Variants in FAM135B observed in about 807,000 individuals in gnomAD.
FAM135B encodes protein FAM135B.
Under a neutral mutation model 127.7 loss-of-function variants are expected in FAM135B, and 43 were observed. The observed-to-expected ratio is 0.34, with a 90% confidence interval of 0.26 to 0.43. The LOEUF is 0.43. Among genes scored for constraint, FAM135B ranks in the 20% least tolerant of loss-of-function variants. The pLI is 1.00. For synonymous variants in FAM135B, 670 were observed against 665.1 expected (o/e 1.01, Z -0.11); for missense variants, 1,558 against 1,725.6 (o/e 0.90, Z 1.72).
chr8:138,356,193 G>T (rs1010452109), intron 2 of FAM135B, among the ~76,000 whole-genome samples: 19 of 152,006 alleles, frequency 1.2e-4, no homozygotes, highest in African/African-American at 4.6e-4. Flanking sequence ...CCAGTTTCAG[G>T]CATTTTGTTA....
At position 138,164,670 on chromosome 8, in the gene FAM135B, C is replaced by T. The variant is rs185282393; in HGVS notation, c.1258+3225G>A. ...ATCCATTACCTGAAAGCCCCCTCCC[C>T]GCTTAGAATTGTCCCGTCTTTCCAC... is the stretch of plus-strand genomic sequence containing the variant. On this transcript the variant is annotated intron_variant, in intron 12 of 19. Coordinates refer to ENST00000395297, the MANE Select transcript of FAM135B (RefSeq NM_015912.4). 1.3e-4 allele frequency among the ~76,000 whole-genome samples: 20 copies of T among 152,312 alleles called. No individual in the cohort carries two copies. The East Asian group carries it at 3.5e-3, about 26-fold the overall frequency.
chr8:138,388,185 C>G (rs1832329706), intron 1 of FAM135B, among the ~76,000 whole-genome samples: 1 of 152,026 alleles, frequency 6.6e-6, no homozygotes, highest in South Asian at 2.1e-4. Context: ...CAAAAGAAAA[C>G]AACAATGAGA....
chr8:138,285,761 G>T (rs1824635741), intron 3 of FAM135B, among the ~76,000 whole-genome samples: 1 of 152,152 alleles, frequency 6.6e-6, no homozygotes. Context: ...TAACAATATT[G>T]ACCTGAATTG....
At chr8:138,486,315 T>C (rs1814982942) in intron 1 of FAM135B, among the ~76,000 whole-genome samples, 1 of 152,056 alleles carries the variant, frequency 6.6e-6, no homozygotes, top group African/African-American at 2.4e-5. Flanking sequence ...CAGAGGGTAG[T>C]AGGGCTGAAT....
chr8:138,322,445 C>T lies in FAM135B; in HGVS notation c.78-11525G>A, dbSNP rs79634751. On this transcript the variant is annotated intron_variant, in intron 2 of 19. Coordinates refer to ENST00000395297, the MANE Select transcript of FAM135B (RefSeq NM_015912.4). ...AAAAGTAACTCCAGATTGCTTGATA[C>T]TGTAGGTTTTTCCAGTGAGTTCTGA... 6.1e-3 allele frequency among the ~76,000 whole-genome samples: 927 copies of T among 152,262 alleles called. 6 individuals are homozygous for T. The highest frequency in any genetic ancestry group is 0.021 in the African/African-American group (890 of 41,546).
intron 1 of FAM135B, among the ~76,000 whole-genome samples, chr8:138,376,610 T>C (rs887309086): frequency 2.6e-5 from 4 of 152,214 alleles, no homozygotes; most frequent in African/African-American, 9.6e-5. Flanking sequence ...CTCCCTCCCA[T>C]GCCAAAACTG....
chr8:138,486,480 T>C (rs544939951), intron 1 of FAM135B, among the ~76,000 whole-genome samples: 22 of 152,278 alleles, frequency 1.4e-4, no homozygotes, highest in Admixed American at 2.6e-4. Flanking sequence ...CAGTTGATTT[T>C]TTGGCTGCTA....
At chr8:138,354,009 C>T (rs1829935440) in intron 2 of FAM135B, among the ~76,000 whole-genome samples, 1 of 151,932 alleles carries the variant, frequency 6.6e-6, no homozygotes, top group African/African-American at 2.4e-5. Context: ...GCAACTTTTC[C>T]CTTCCCCTCA....
At chr8:138,491,485 A>T (rs1007555650) in intron 1 of FAM135B, among the ~76,000 whole-genome samples, 19 of 152,332 alleles carry the variant, frequency 1.2e-4, no homozygotes, top group Admixed American at 1.2e-3. Flanking sequence ...TAGTCACTTA[A>T]TTCTAACCCA....
At chr8:138,383,861 G>T (rs116386758) in intron 1 of FAM135B, among the ~76,000 whole-genome samples, 1,925 of 152,204 alleles carry the variant, frequency 0.013, 34 homozygotes, top group African/African-American at 0.044. Context: ...AGGAGACCAC[G>T]CCCATCCTCT....
intron 8 of FAM135B, among the ~76,000 whole-genome samples, chr8:138,197,245 G>C (rs1563757634): frequency 6.6e-6 from 1 of 152,126 alleles, no homozygotes; most frequent in African/African-American, 2.4e-5. Context: ...TTATGCAGTG[G>C]AGTGGCAGGT....
At chr8:138,400,604 G>T (rs1424365143) in intron 1 of FAM135B, among the ~76,000 whole-genome samples, 1 of 152,142 alleles carries the variant, frequency 6.6e-6, no homozygotes, top group East Asian at 1.9e-4. Context: ...AGTGTGGAAG[G>T]AGCTGCCTGA....
chr8:138,155,553 C>T (rs1177733482), intron 12 of FAM135B, among the ~76,000 whole-genome samples: 3 of 152,094 alleles, frequency 2.0e-5, no homozygotes, highest in African/African-American at 4.8e-5. Context: ...GGAGACCCAT[C>T]TCATGTGCAG....
intron 1 of FAM135B, among the ~76,000 whole-genome samples, chr8:138,452,866 C>T (rs979472968): frequency 6.6e-6 from 1 of 152,036 alleles, no homozygotes; most frequent in African/African-American, 2.4e-5. Context: ...CACCCGTCCA[C>T]GAGACTCCCT....
chr8:138,221,639 A>T (rs966167716), intron 7 of FAM135B, among the ~76,000 whole-genome samples: 1 of 152,230 alleles, frequency 6.6e-6, no homozygotes, highest in African/African-American at 2.4e-5. Context: ...CTGACGTATC[A>T]GAATGAAAAA....
intron 3 of FAM135B, among the ~76,000 whole-genome samples, chr8:138,298,925 A>C (rs1461414473): frequency 6.6e-6 from 1 of 151,906 alleles, no homozygotes; most frequent in African/African-American, 2.4e-5. Flanking sequence ...AGCCATTTCA[A>C]AAACGGTGCC....
chr8:138,132,946 A>T lies in FAM135B; in HGVS notation c.4016-148T>A. The T allele has an allele frequency of 1.5e-6, 1 of 676,284 alleles. No individual in the cohort carries two copies. Among genetic ancestry groups the T allele is most frequent in the Middle Eastern group, 4.2e-4 (1 of 2,380 alleles). 41.9% of individuals were successfully genotyped at this position (676,284 alleles called of 1,614,324 possible). On this transcript the variant is annotated intron_variant, in intron 19 of 19. Transcript: ENST00000395297. The surrounding 1 kb of genome is among the most constrained non-coding windows in gnomAD (Gnocchi z 4.5). Reference sequence around the variant, plus strand: ...CCTCTTCCTAATGTTAGTGAAATTAATATGAAATAAAATCAAAGTTCTCTT... The same window carrying T: ...CCTCTTCCTAATGTTAGTGAAATTATTATGAAATAAAATCAAAGTTCTCTT...
At chr8:138,417,136 C>CCT (rs1834208826) in intron 1 of FAM135B, among the ~76,000 whole-genome samples, 1 of 152,200 alleles carries the variant, frequency 6.6e-6, no homozygotes, top group Non-Finnish European at 1.5e-5. Context: ...TCACAATACC[C>CCT]CTCTAGCTGG....
chr8:138,379,139 G>A (rs1215780578), intron 1 of FAM135B, among the ~76,000 whole-genome samples: 1 of 152,102 alleles, frequency 6.6e-6, no homozygotes, highest in Non-Finnish European at 1.5e-5. Flanking sequence ...GTGTGTGTGT[G>A]TACATAAGCA....
Sources: allele counts gnomAD v4.1 joint callset (sites outside exome capture counted in the v4.1 genomes callset), GRCh38; gene constraint gnomAD v4.1.1; non-coding constraint Gnocchi (gnomAD v3.1); transcripts MANE v1.5; gene names NCBI Gene and HGNC (gene_info 2026-07-23, HGNC 2026-07-21).